Variants in TDRP observed in about 807,000 individuals in gnomAD.
TDRP encodes testis development-related protein.
A neutral mutation model predicts 10.5 loss-of-function variants in TDRP; 12 were observed. The ratio of observed to expected loss-of-function variants is 1.15; its 90% CI spans 0.73 to 1.86. The LOEUF is 1.86. Ranked by LOEUF, TDRP falls within the 40% of genes most tolerant of loss-of-function variation. TDRP has a pLI of 0.00. For missense variants in TDRP, 353 were observed against 229.2 expected, an observed-to-expected ratio of 1.54 and a Z score of -3.49; for synonymous variants, 139 against 95.4, an observed-to-expected ratio of 1.46 and a Z score of -2.67.
Position 506,632 on chromosome 8 carries a change from C to T in TDRP, c.109-12035G>A, listed in dbSNP as rs76096112. ...CCACCCCAGGAGAAGCAAGCTGATA[C>T]GACTCCCCACTACGGCAAATGCTCA... On this transcript the variant is annotated intron_variant, in intron 1 of 2. Transcript: ENST00000324079. Among the ~76,000 whole-genome samples the T allele has an allele frequency of 5.9e-3, 896 of 152,310 alleles. 4 individuals are homozygous for T. The highest frequency in any genetic ancestry group is 0.02 in the African/African-American group (823 of 41,566).
At chr8:524,710 GAAGA>G (rs1158974512) in intron 1 of TDRP, among the ~76,000 whole-genome samples, 2 of 152,162 alleles carry the variant, frequency 1.3e-5, no homozygotes, top group African/African-American at 2.4e-5. Flanking sequence ...TGATGAGGCA[GAAGA>G]AAGAATTAGT....
At chr8:504,374 G>C (rs1306969219) in intron 1 of TDRP, among the ~76,000 whole-genome samples, 1 of 152,118 alleles carries the variant, frequency 6.6e-6, no homozygotes, top group Non-Finnish European at 1.5e-5. Context: ...TAACCTGGGG[G>C]TGCAGCAATA....
intron 1 of TDRP, among the ~76,000 whole-genome samples, chr8:539,163 C>A (rs563598948): frequency 6.6e-6 from 1 of 152,294 alleles, no homozygotes; most frequent in African/African-American, 2.4e-5. Flanking sequence ...GAACTCACAT[C>A]CCCTCATGTG....
chr8:515,147 G>A (rs1256811329), intron 1 of TDRP, among the ~76,000 whole-genome samples: 2 of 152,194 alleles, frequency 1.3e-5, no homozygotes. Flanking sequence ...AGACGGCACT[G>A]ATGTATGTTC....
rs760349319 is a variant in TDRP, at chr8:490,213, A to C, written c.*2186T>G. On this transcript the variant is annotated 3_prime_UTR_variant, in exon 3 of 3. Coordinates refer to ENST00000324079, the MANE Select transcript of TDRP (RefSeq NM_001384899.1). ...AATTTTTCTCCCAAAGCACACCAAT[A>C]AATATTTATATTAAAAACCACAGTT... 1.3e-5 allele frequency: 2 copies of C among 152,224 alleles called. No homozygotes were observed. The highest frequency in any genetic ancestry group is 2.9e-5 in the Non-Finnish European group (2 of 68,034). 9.4% of individuals were successfully genotyped at this position (152,224 alleles called of 1,614,324 possible). A position where few individuals can be genotyped will look rare whatever the true frequency, so the allele number is the denominator to read the frequency against.
At chr8:536,369 G>A (rs2116869853) in intron 1 of TDRP, among the ~76,000 whole-genome samples, 1 of 152,284 alleles carries the variant, frequency 6.6e-6, no homozygotes, top group South Asian at 2.1e-4. Flanking sequence ...ACACTACTGA[G>A]GACCTGAAAT....
At chr8:521,962 G>C (rs981988577) in intron 1 of TDRP, among the ~76,000 whole-genome samples, 2 of 151,656 alleles carry the variant, frequency 1.3e-5, no homozygotes, top group African/African-American at 4.8e-5. Flanking sequence ...CTTTTTTCTT[G>C]ATGCTATTAT....
intron 1 of TDRP, among the ~76,000 whole-genome samples, chr8:538,820 T>G (rs1477360774): frequency 1.3e-5 from 2 of 152,200 alleles, no homozygotes; most frequent in African/African-American, 4.8e-5. Flanking sequence ...GATGCAACTT[T>G]TCCCCCCATC....
chr8:494,691 A>C (rs1355940127), intron 1 of TDRP, 94 bp from the exon 2 acceptor site: 1 of 1,129,368 alleles, frequency 8.9e-7, no homozygotes, highest in Non-Finnish European at 1.3e-6. Context: ...AAATTTAGAA[A>C]AAAGAATTGG....
intron 1 of TDRP, among the ~76,000 whole-genome samples, chr8:522,479 G>A (rs941802430): frequency 6.6e-6 from 1 of 152,168 alleles, no homozygotes; most frequent in South Asian, 2.1e-4. Context: ...TAGCTGTGCA[G>A]CTCTAAGGTC....
chr8:543,937 A>AG (rs1186683495), intron 1 of TDRP, among the ~76,000 whole-genome samples: 53 of 18,664 alleles, frequency 2.8e-3, no homozygotes, highest in Non-Finnish European at 5.7e-3. Context: ...AGGGGGGGGG[A>AG]GGGGGTGGGG....
At chr8:520,792 TTTG>T (rs958232165) in intron 1 of TDRP, among the ~76,000 whole-genome samples, 2 of 152,224 alleles carry the variant, frequency 1.3e-5, no homozygotes, top group East Asian at 1.9e-4. Flanking sequence ...AATCAGGTTT[TTTG>T]TTGTTGTTTG....
intron 1 of TDRP, among the ~76,000 whole-genome samples, chr8:529,322 ATTT>A (rs1802120677): frequency 6.6e-6 from 1 of 152,162 alleles, no homozygotes; most frequent in Non-Finnish European, 1.5e-5. Context: ...CAAATCGAGT[ATTT>A]TATATTTTTA....
chr8:510,022 C>G (rs1209745567), intron 1 of TDRP, among the ~76,000 whole-genome samples: 1 of 152,140 alleles, frequency 6.6e-6, no homozygotes, highest in Admixed American at 6.5e-5. Flanking sequence ...AATTTAGACA[C>G]ATGCGATGTG....
intron 1 of TDRP, among the ~76,000 whole-genome samples, chr8:543,742 T>C (rs896598899): frequency 2.6e-5 from 4 of 152,236 alleles, no homozygotes; most frequent in African/African-American, 9.6e-5. Flanking sequence ...GAAACTCTTC[T>C]GCTCAGAAAC....
At chr8:532,332 G>T (rs962195287) in intron 1 of TDRP, among the ~76,000 whole-genome samples, 3 of 152,154 alleles carry the variant, frequency 2.0e-5, no homozygotes, top group Non-Finnish European at 4.4e-5. Flanking sequence ...CCTGCTACTG[G>T]GGGAAACCTG....
intron 1 of TDRP, among the ~76,000 whole-genome samples, chr8:523,344 G>A (rs937957267): frequency 2.0e-5 from 3 of 152,132 alleles, no homozygotes; most frequent in Admixed American, 6.5e-5. Flanking sequence ...TGGAGGTGGA[G>A]TAAGATGGCT....
chr8:500,369 A>G lies in TDRP; in HGVS notation c.109-5772T>C, dbSNP rs6558856. ...GGCTGGCATTGAATACACAGGGAGC[A>G]ATAAACCTCATCGGCAGGCCCCACC... On this transcript the variant is annotated intron_variant, in intron 1 of 2. Coordinates refer to ENST00000324079, the MANE Select transcript of TDRP (RefSeq NM_001384899.1). 1.6e-3 allele frequency among the ~76,000 whole-genome samples: 244 copies of G among 152,110 alleles called. 1 individual carries two copies. The highest frequency in any genetic ancestry group is 5.5e-3 in the African/African-American group (228 of 41,476).
intron 1 of TDRP, among the ~76,000 whole-genome samples, chr8:537,855 G>C (rs1164411877): frequency 6.6e-6 from 1 of 152,076 alleles, no homozygotes; most frequent in Non-Finnish European, 1.5e-5. Context: ...TGAATACAAT[G>C]GGTTTTACCT....
Sources: allele counts gnomAD v4.1 joint callset (sites outside exome capture counted in the v4.1 genomes callset), GRCh38; gene constraint gnomAD v4.1.1; transcripts MANE v1.5; gene names NCBI Gene and HGNC (gene_info 2026-07-23, HGNC 2026-07-21).